Variants in KIAA1217 observed in about 807,000 individuals in gnomAD.
KIAA1217 encodes KIAA1217.
In KIAA1217, 88 loss-of-function variants were observed where a neutral mutation model predicts 163.9. That is an observed-to-expected ratio of 0.54 (90% CI 0.45 to 0.64). KIAA1217 has a LOEUF of 0.64. Ranked by LOEUF, KIAA1217 falls within the 30% of genes least tolerant of loss-of-function variation. The probability of loss-of-function intolerance (pLI) is 0.00; values close to 1 mark genes in which losing one functional copy is unlikely to be tolerated. For missense variants in KIAA1217, 2,372 were observed against 2,475.0 expected (o/e 0.96, Z 0.88); for synonymous variants, 903 against 923.1 (o/e 0.98, Z 0.39).
chr10:24,166,225 G>A (rs2065338978), intron 2 of KIAA1217, among the ~76,000 whole-genome samples: 1 of 151,164 alleles, frequency 6.6e-6, no homozygotes, highest in Non-Finnish European at 1.5e-5. Flanking sequence ...CCTTAATAAA[G>A]AAATCACCTG....
At chr10:24,464,427 G>A (rs546012885) in intron 5 of KIAA1217, among the ~76,000 whole-genome samples, 3 of 152,096 alleles carry the variant, frequency 2.0e-5, no homozygotes, top group Non-Finnish European at 2.9e-5. Flanking sequence ...ATTGTAACAG[G>A]GTCAACAGAA....
Position 23,988,141 on chromosome 10 carries a change from C to A in KIAA1217, c.-320-19084C>A, listed in dbSNP as rs368209161. On this transcript the variant is annotated intron_variant, in intron 1 of 18. Coordinates refer to the KIAA1217 transcript ENST00000376462. ...ACTCCCTTGCCATCTGTCGCAGGGG[C>A]TAGAAGCCTGAGAACTCCGTTTTCT... Among the ~76,000 whole-genome samples, 13 of 152,252 alleles carry A rather than the reference C, an allele frequency of 8.5e-5. No homozygotes were observed. The East Asian group carries it at 1.9e-3, about 23-fold the overall frequency.
rs2071808096 is a variant in KIAA1217 at position 24,524,628 on chromosome 10, A to G, written c.2762A>G (p.Gln921Arg). The G allele has an allele frequency of 1.2e-6, 2 of 1,613,996 alleles. No homozygotes were observed. The highest frequency in any genetic ancestry group is 1.7e-6 in the Non-Finnish European group (2 of 1,180,038). ...PHVASSPAVPQEATSTLQMSQ... is the reference protein window; with the variant it reads ...PHVASSPAVPREATSTLQMSQ... ...GTGGCCAGCTCCCCAGCCGTCCCCCAGGAAGCAACCTCCACTCTGCAGATG... is the reference window on the plus strand; with the variant it reads ...GTGGCCAGCTCCCCAGCCGTCCCCCGGGAAGCAACCTCCACTCTGCAGATG... The change falls in exon 13 of 21, where the codon CAG becomes CGG. Residue 921 changes from glutamine (Q) to arginine (R), a missense_variant. Physicochemically the swap from Gln to Arg is conservative, Grantham distance 43. Around this residue, in one of 3 missense-constraint regions of KIAA1217, gnomAD observed 1,431 missense variants for 1,470.3 expected, o/e 0.97. Transcript: ENST00000376454.
chr10:24,293,274 T>C (rs1323000143), intron 2 of KIAA1217, among the ~76,000 whole-genome samples: 1 of 152,154 alleles, frequency 6.6e-6, no homozygotes, highest in East Asian at 1.9e-4. Context: ...TTTCACCACA[T>C]TGGCCAGCCT....
chr10:23,772,266 T>C (rs1264780527), intron 1 of KIAA1217, among the ~76,000 whole-genome samples: 1 of 152,176 alleles, frequency 6.6e-6, no homozygotes, highest in African/African-American at 2.4e-5. Flanking sequence ...ACAACATGAA[T>C]TATAAAAATT....
Position 23,949,646 on chromosome 10 carries a change from G to T in KIAA1217, c.-320-57579G>T, listed in dbSNP as rs1309520509. Among the ~76,000 whole-genome samples the T allele has an allele frequency of 3.3e-5, 5 of 151,914 alleles. No individual in the cohort carries two copies. In the South Asian group the frequency reaches 1.0e-3, roughly 32 times the overall value. ...ATGATATTAAAGAAAAGACTGCCTG[G>T]TGTGTTTAAAAGCAAGTATACTAAA... On this transcript the variant is annotated intron_variant, in intron 1 of 18. Transcript: ENST00000376462.
At chr10:24,457,326 T>TTTTG (rs150884436) in intron 5 of KIAA1217, among the ~76,000 whole-genome samples, 12,791 of 151,572 alleles carry the variant, frequency 0.084, 649 homozygotes, top group East Asian at 0.17. Flanking sequence ...ATCAAGAACT[T>TTTTG]TTTGTTTGTT....
intron 2 of KIAA1217, among the ~76,000 whole-genome samples, chr10:24,370,415 C>T (rs2051464437): frequency 6.6e-6 from 1 of 152,076 alleles, no homozygotes; most frequent in African/African-American, 2.4e-5. Context: ...TCCTGACATA[C>T]ATGATATTTT....
At chr10:23,918,733 T>TATATATATATAC (rs769797460) in intron 1 of KIAA1217, among the ~76,000 whole-genome samples, 4 of 147,478 alleles carry the variant, frequency 2.7e-5, no homozygotes, top group Admixed American at 1.4e-4. Flanking sequence ...ATTAAATATA[T>TATATATATATAC]ACACACACAC....
intron 10 of KIAA1217, among the ~76,000 whole-genome samples, chr10:24,515,172 A>G (rs911320479): frequency 6.6e-6 from 1 of 151,654 alleles, no homozygotes; most frequent in African/African-American, 2.4e-5. Context: ...GTTCAAGCCT[A>G]TTCTCCTATG....
chr10:24,373,752 G>T (rs1162400789), intron 2 of KIAA1217, among the ~76,000 whole-genome samples: 1 of 152,208 alleles, frequency 6.6e-6, no homozygotes, highest in Non-Finnish European at 1.5e-5. Context: ...AGGGGGCTTT[G>T]CATGGTGACA....
intron 20 of KIAA1217, chr10:24,545,562 A>C (rs1298518555): frequency 7.4e-7 from 1 of 1,350,990 alleles, no homozygotes; most frequent in East Asian, 2.8e-5. Flanking sequence ...CACCTGGCAC[A>C]CAGGAAATGG....
chr10:24,368,922 C>T (rs2051172939), intron 2 of KIAA1217: 1 of 876,738 alleles, frequency 1.1e-6, no homozygotes, highest in Middle Eastern at 5.9e-4. Context: ...AATTACTTCT[C>T]ACTTTATCAA....
At chr10:24,174,342 G>C (rs1356139522) in intron 2 of KIAA1217, among the ~76,000 whole-genome samples, 3 of 152,140 alleles carry the variant, frequency 2.0e-5, no homozygotes, top group African/African-American at 7.2e-5. Context: ...GCACATCTCA[G>C]CATCCACACC....
chr10:24,364,804 T>C (rs2050543485), intron 2 of KIAA1217, among the ~76,000 whole-genome samples: 1 of 152,092 alleles, frequency 6.6e-6, no homozygotes, highest in Non-Finnish European at 1.5e-5. Flanking sequence ...TTTTTTGTTT[T>C]GTTTTGACAG....
chr10:23,879,701 G>A (rs1840864214), intron 1 of KIAA1217, among the ~76,000 whole-genome samples: 1 of 151,938 alleles, frequency 6.6e-6, no homozygotes, highest in South Asian at 2.1e-4. Flanking sequence ...GTATAAAAGA[G>A]AGTAGAGAAT....
rs148395660 is a variant in KIAA1217 at position 24,093,087 on chromosome 10, A to G, written c.-171+85713A>G. 1.7e-3 allele frequency among the ~76,000 whole-genome samples: 263 copies of G among 151,730 alleles called. 3 individuals carry two copies. The East Asian group carries it at 0.032, about 19-fold the overall frequency. ...CGACTCACTGCAGCTTCGACTTCCC[A>G]GGCTCAAGTAGTCTTCCCACCTCAG... On this transcript the variant is annotated intron_variant, in intron 2 of 18. Coordinates refer to the KIAA1217 transcript ENST00000376462.
intron 1 of KIAA1217, among the ~76,000 whole-genome samples, chr10:24,215,345 C>T (rs771882032): frequency 6.6e-6 from 1 of 152,194 alleles, no homozygotes; most frequent in Non-Finnish European, 1.5e-5. Flanking sequence ...CAAGCCTTGC[C>T]TTCATGCTAC....
intron 2 of KIAA1217, among the ~76,000 whole-genome samples, chr10:24,050,187 T>C (rs936439710): frequency 1.3e-5 from 2 of 152,226 alleles, no homozygotes; most frequent in Non-Finnish European, 2.9e-5. Flanking sequence ...TTAAGTTCTT[T>C]GTAGATTCTG....
Sources: allele counts gnomAD v4.1 joint callset (sites outside exome capture counted in the v4.1 genomes callset), GRCh38; gene constraint gnomAD v4.1.1; regional missense constraint gnomAD v4.1.1; transcripts MANE v1.5; gene names NCBI Gene and HGNC (gene_info 2026-07-23, HGNC 2026-07-21).